Variants in LPA observed in about 807,000 individuals in gnomAD.
LPA encodes the protein lipoprotein(a).
LPA carries 199 observed loss-of-function variants against 197.9 expected under a neutral mutation model. That is an observed-to-expected ratio of 1.01 (90% CI 0.90 to 1.13). LPA has a LOEUF of 1.13. Among genes scored for constraint, LPA ranks in the 50% most tolerant of loss-of-function variants. The pLI is 0.00. For missense variants in LPA, 1,853 were observed against 1,785.8 expected (o/e 1.04, Z -0.68); for synonymous variants, 715 against 639.5 (o/e 1.12, Z -1.78).
intron 7 of LPA, 139 bp downstream of exon 7, chr6:160,634,984 G>A (rs1292817125): frequency 1.3e-6 from 2 of 1,502,810 alleles, no homozygotes; most frequent in Non-Finnish European, 1.8e-6. Flanking sequence ...AGAGTACACG[G>A]AGGCTTCCCC....
intron 18 of LPA, among the ~76,000 whole-genome samples, chr6:160,602,727 A>C (rs1779268465): frequency 6.6e-6 from 1 of 152,218 alleles, no homozygotes; most frequent in African/African-American, 2.4e-5. Flanking sequence ...CACAATATGC[A>C]TTTATCCAAC....
intron 2 of LPA, 151 bp downstream of exon 2, chr6:160,650,187 C>T (rs1381804550): frequency 1.7e-5 from 13 of 742,924 alleles, no homozygotes; most frequent in African/African-American, 3.4e-5. Context: ...TTCTATCATA[C>T]TCTTTGCTCA....
chr6:160,602,413 C>T (rs897268513), intron 18 of LPA, among the ~76,000 whole-genome samples: 1 of 152,164 alleles, frequency 6.6e-6, no homozygotes, highest in Non-Finnish European at 1.5e-5. Flanking sequence ...TCCAATTATT[C>T]CCCACATGAT....
rs143461353 is a variant in LPA at position 160,533,768 on chromosome 6, C to T, written c.5843-1119G>A. Among the ~76,000 whole-genome samples the T allele has an allele frequency of 8.1e-3, 1,234 of 152,276 alleles. 14 individuals are homozygous for T. The highest frequency in any genetic ancestry group is 0.019 in the South Asian group (90 of 4,830). On this transcript the variant is annotated intron_variant, in intron 37 of 38. Coordinates refer to ENST00000316300, the MANE Select transcript of LPA (RefSeq NM_005577.4). ...TTGTCCTGATTCATTTTCTAATTTA[C>T]ACTTCCTTGACAATTAGGGAGAAGA... is the stretch of plus-strand genomic sequence containing the variant.
chr6:160,606,767 A>T, intron 16 of LPA, 109 bp from the exon 17 acceptor site: 3 of 1,502,808 alleles, frequency 2.0e-6, no homozygotes, highest in Non-Finnish European at 2.8e-6. Flanking sequence ...CCTTTCTAAT[A>T]TTCCCATAAA....
At chr6:160,574,460 A>T (rs1006001119) in intron 28 of LPA, among the ~76,000 whole-genome samples, 5 of 151,950 alleles carry the variant, frequency 3.3e-5, no homozygotes, top group African/African-American at 1.2e-4. Context: ...GTTCAGGTAG[A>T]GCAGTCCTCC....
Position 160,557,449 on chromosome 6 carries a change from C to T in LPA, c.4754G>A (p.Gly1585Asp). Residue 1585 changes from glycine (G) to aspartate (D), a missense_variant, in exon 29 of 39, where the codon GGT becomes GAT. Physicochemically the swap from Gly to Asp is moderately conservative, Grantham distance 94. This residue lies in a region of LPA where 1,737 missense variants were observed against 1,504.4 expected (regional missense o/e 1.15). Coordinates refer to ENST00000316300, the MANE Select transcript of LPA (RefSeq NM_005577.4). ...NLTQCSETES[G>D]VLETPTVVPV... ...AACAACAGTGGGAGTCTCTAGGACA[C>T]CTGATTCTGTTTCTGAGCATTGTGT... is the stretch of plus-strand genomic sequence containing the variant. The T allele has an allele frequency of 1.9e-6, 3 of 1,614,130 alleles. No homozygotes were observed. Among genetic ancestry groups the T allele is most frequent in the Non-Finnish European group, 2.5e-6 (3 of 1,180,018 alleles).
intron 33 of LPA, 38 bp from the exon 34 acceptor site, chr6:160,542,846 C>A: frequency 6.2e-7 from 1 of 1,613,146 alleles, no homozygotes; most frequent in Non-Finnish European, 8.5e-7. Context: ...GCATTTGAGT[C>A]CAAGTTAGCA....
chr6:160,538,946 T>C (rs1777934873), intron 36 of LPA, among the ~76,000 whole-genome samples: 1 of 152,162 alleles, frequency 6.6e-6, no homozygotes, highest in Admixed American at 6.5e-5. Context: ...TATTTGCACA[T>C]TTGCTGGGAT....
chr6:160,535,687 G>A (rs112875476), intron 37 of LPA, among the ~76,000 whole-genome samples: 10 of 152,172 alleles, frequency 6.6e-5, no homozygotes, highest in African/African-American at 2.4e-4. Context: ...TAGTGGTGGC[G>A]ATGATGTTGA....
At chr6:160,601,466 C>T (rs575266726) in intron 18 of LPA, among the ~76,000 whole-genome samples, 25 of 152,248 alleles carry the variant, frequency 1.6e-4, no homozygotes, top group African/African-American at 5.5e-4. Flanking sequence ...TGGTTATGCA[C>T]ATACAAAAGT....
At chr6:160,652,629 TAAAG>T (rs893180743) in intron 1 of LPA, among the ~76,000 whole-genome samples, 3 of 152,010 alleles carry the variant, frequency 2.0e-5, no homozygotes, top group African/African-American at 4.8e-5. Context: ...AATGGTAAAA[TAAAG>T]AAATTATTCA....
chr6:160,633,617 A>AGGG, intron 8 of LPA, 136 bp downstream of exon 8: 1 of 919,164 alleles, frequency 1.1e-6, no homozygotes, highest in African/African-American at 3.1e-5. Context: ...CTCCAAGGCA[A>AGGG]TCATCCTGAG....
intron 28 of LPA, 142 bp from the exon 29 acceptor site, chr6:160,557,713 G>A: frequency 3.1e-6 from 2 of 647,030 alleles, no homozygotes; most frequent in East Asian, 2.7e-5. Flanking sequence ...ATTCCGAAAA[G>A]CAAAAACGGT....
At position 160,574,952 on chromosome 6, in the gene LPA, T is replaced by C. The variant is rs374577394; in HGVS notation, c.4631+2184A>G. ...TCCCTCACCTCTTGGGTTTTTCTTC[T>C]ATTACTTTAAAGATGTTACTTTATT... On this transcript the variant is annotated intron_variant, in intron 28 of 38. Coordinates refer to ENST00000316300, the MANE Select transcript of LPA (RefSeq NM_005577.4). Among the ~76,000 whole-genome samples, 15 of 152,330 alleles carry C rather than the reference T, an allele frequency of 9.8e-5. No individual in the cohort carries two copies. The East Asian group carries it at 2.5e-3, about 25-fold the overall frequency.
chr6:160,576,363 T>C (rs866366672), intron 28 of LPA, among the ~76,000 whole-genome samples: 28 of 37,748 alleles, frequency 7.4e-4, no homozygotes, highest in South Asian at 4.1e-3. Flanking sequence ...TATATATATA[T>C]ATACATATAT....
rs191818764 is a variant in LPA at position 160,575,757 on chromosome 6, T to C, written c.4631+1379A>G. 2.0e-3 allele frequency among the ~76,000 whole-genome samples: 308 copies of C among 152,332 alleles called. 1 individual carries two copies. Among genetic ancestry groups the C allele is most frequent in the Non-Finnish European group, 6.8e-4 (46 of 68,026 alleles). On this transcript the variant is annotated intron_variant, in intron 28 of 38. Transcript: ENST00000316300. Reference sequence around the variant, plus strand: ...CATCTCCATTGAACTCATTGTTCCCTTGTAGTTATTCTTTCCCCAGTAGCT... The same window carrying C: ...CATCTCCATTGAACTCATTGTTCCCCTGTAGTTATTCTTTCCCCAGTAGCT...
intron 19 of LPA, among the ~76,000 whole-genome samples, chr6:160,600,099 G>C (rs899424036): frequency 3.9e-5 from 6 of 152,196 alleles, no homozygotes; most frequent in African/African-American, 1.4e-4. Context: ...TGTGTCCCTA[G>C]ATGATTGCTC....
intron 28 of LPA, among the ~76,000 whole-genome samples, chr6:160,560,363 G>A (rs888307538): frequency 9.2e-5 from 14 of 152,244 alleles, no homozygotes; most frequent in South Asian, 6.2e-4. Flanking sequence ...AGGAATCACC[G>A]CACTGTCTTC....
Sources: gnomAD v4.1 joint callset for allele counts (sites outside exome capture counted in the v4.1 genomes callset) on GRCh38, gnomAD v4.1.1 for gene constraint, gnomAD v4.1.1 regional missense constraint, MANE v1.5 for transcripts, NCBI Gene and HGNC (gene_info 2026-07-23, HGNC 2026-07-21) for gene names.